Variants in IKZF2 observed in about 807,000 individuals in gnomAD.
The protein encoded by IKZF2 is zinc finger protein Helios.
Under a neutral mutation model 49.2 loss-of-function variants are expected in IKZF2, and 15 were observed. That is an observed-to-expected ratio of 0.30 (90% CI 0.20 to 0.47). The LOEUF is 0.47. Ranked by LOEUF, IKZF2 falls within the 20% of genes least tolerant of loss-of-function variation. The probability of loss-of-function intolerance (pLI) is 1.00; values close to 1 mark genes in which losing one functional copy is unlikely to be tolerated. For missense variants in IKZF2, 567 were observed against 664.6 expected (o/e 0.85, Z 1.61); for synonymous variants, 227 against 221.4 (o/e 1.03, Z -0.23).
chr2:213,148,127 C>G (rs994229219), intron 3 of IKZF2, among the ~76,000 whole-genome samples: 1 of 152,080 alleles, frequency 6.6e-6, no homozygotes, highest in Non-Finnish European at 1.5e-5. Flanking sequence ...GTTAAGCACA[C>G]AGAATTTATA....
chr2:213,127,849 C>T (rs1169067858), intron 4 of IKZF2, among the ~76,000 whole-genome samples: 1 of 152,000 alleles, frequency 6.6e-6, no homozygotes, highest in Non-Finnish European at 1.5e-5. Flanking sequence ...ACATGTATTT[C>T]CAAAATATCC....
intron 4 of IKZF2, among the ~76,000 whole-genome samples, chr2:213,079,253 T>C (rs1703629347): frequency 6.6e-6 from 1 of 151,904 alleles, no homozygotes. Flanking sequence ...GTAGTGCGTG[T>C]TTGTAGTCCC....
At chr2:213,027,021 C>T (rs1309174742) in intron 6 of IKZF2, among the ~76,000 whole-genome samples, 1 of 152,042 alleles carries the variant, frequency 6.6e-6, no homozygotes, top group Non-Finnish European at 1.5e-5. Flanking sequence ...AATACATAGT[C>T]TCTTCCCCAT....
intron 4 of IKZF2, among the ~76,000 whole-genome samples, chr2:213,086,269 T>C (rs551363592): frequency 6.6e-6 from 1 of 152,296 alleles, no homozygotes; most frequent in Middle Eastern, 3.4e-3. Context: ...TGGAATGCTG[T>C]AACTGTTTGA....
chr2:213,138,585 A>C (rs1030044591), intron 4 of IKZF2, among the ~76,000 whole-genome samples: 2 of 152,076 alleles, frequency 1.3e-5, no homozygotes, highest in African/African-American at 4.8e-5. Context: ...GGGCTCCTAC[A>C]ATGCATACAA....
chr2:213,109,602 A>G (rs1192133509), intron 4 of IKZF2, among the ~76,000 whole-genome samples: 5 of 152,032 alleles, frequency 3.3e-5, no homozygotes, highest in Non-Finnish European at 4.4e-5. Flanking sequence ...TCCCATTTCC[A>G]AACAGATATT....
At chr2:213,053,017 C>T (rs900048016) in intron 5 of IKZF2, among the ~76,000 whole-genome samples, 1 of 151,950 alleles carries the variant, frequency 6.6e-6, no homozygotes, top group Non-Finnish European at 1.5e-5. Flanking sequence ...CATCAATGTG[C>T]CCTTTTTGAG....
chr2:213,080,958 GAA>G (rs1239773841), intron 4 of IKZF2, among the ~76,000 whole-genome samples: 3 of 151,158 alleles, frequency 2.0e-5, no homozygotes, highest in Non-Finnish European at 4.4e-5. Flanking sequence ...CTTTCATAAA[GAA>G]AAAAAAATTT....
intron 8 of IKZF2, among the ~76,000 whole-genome samples, chr2:213,012,884 T>G (rs909852916): frequency 2.0e-5 from 3 of 152,062 alleles, no homozygotes; most frequent in African/African-American, 7.2e-5. Context: ...TTTATCCTAA[T>G]AGATATATAT....
intron 4 of IKZF2, among the ~76,000 whole-genome samples, chr2:213,061,757 A>G (rs775772431): frequency 2.2e-4 from 33 of 151,580 alleles, no homozygotes; most frequent in Non-Finnish European, 4.1e-4. Context: ...AATACTATTA[A>G]CTTAAATAAG....
At chr2:213,127,356 T>C (rs2060301737) in intron 4 of IKZF2, among the ~76,000 whole-genome samples, 2 of 152,190 alleles carry the variant, frequency 1.3e-5, no homozygotes, top group African/African-American at 4.8e-5. Flanking sequence ...CCAGAATCTC[T>C]GTAACTATAA....
At chr2:213,020,433 C>T (rs923994761) in intron 7 of IKZF2, among the ~76,000 whole-genome samples, 2 of 152,018 alleles carry the variant, frequency 1.3e-5, no homozygotes, top group Non-Finnish European at 2.9e-5. Flanking sequence ...CACCCAGACA[C>T]GAAGTAGCCA....
At chr2:213,060,239 A>G (rs1255773711) in intron 4 of IKZF2, among the ~76,000 whole-genome samples, 2 of 151,492 alleles carry the variant, frequency 1.3e-5, no homozygotes, top group East Asian at 3.9e-4. Context: ...AGATGTTTGC[A>G]ATTAATGTAG....
At chr2:213,143,943 G>A (rs923410357) in intron 4 of IKZF2, among the ~76,000 whole-genome samples, 1 of 151,796 alleles carries the variant, frequency 6.6e-6, no homozygotes, top group Non-Finnish European at 1.5e-5. Context: ...AACCCACAAG[G>A]TAATATCACA....
In IKZF2 at chr2:213,001,363, G is replaced by A. The variant is rs547319146; in HGVS notation, c.*5997C>T. ...CTAAACACTTGCAAATAACTGTCTA[G>A]TCTTTCATGATATACATTTTTTGGA... On this transcript the variant is annotated 3_prime_UTR_variant, in exon 9 of 9. Coordinates refer to ENST00000434687, the MANE Select transcript of IKZF2 (RefSeq NM_001387220.1). 3.2e-4 allele frequency: 48 copies of A among 151,954 alleles called. No individual in the cohort carries two copies. Among genetic ancestry groups the A allele is most frequent in the Non-Finnish European group, 4.0e-4 (27 of 67,574 alleles). The allele number at this position is 151,954 out of a possible 1,614,324, so 9.4% of individuals were successfully genotyped here. A position where few individuals can be genotyped will look rare whatever the true frequency, so the allele number is the denominator to read the frequency against.
intron 6 of IKZF2, among the ~76,000 whole-genome samples, chr2:213,029,402 A>AT (rs1300219297): frequency 1.3e-5 from 2 of 151,948 alleles, no homozygotes; most frequent in Non-Finnish European, 2.9e-5. Flanking sequence ...AATAATTTCT[A>AT]TTTTTTATTT....
chr2:213,090,531 A>G (rs998390344), intron 4 of IKZF2, among the ~76,000 whole-genome samples: 1 of 152,204 alleles, frequency 6.6e-6, no homozygotes, highest in Non-Finnish European at 1.5e-5. Context: ...TTATACAATA[A>G]AATGGTTTTA....
intron 7 of IKZF2, among the ~76,000 whole-genome samples, chr2:213,018,542 G>T (rs1696859783): frequency 6.6e-6 from 1 of 152,016 alleles, no homozygotes; most frequent in Non-Finnish European, 1.5e-5. Flanking sequence ...GCCCCAGGTA[G>T]GCATTTATCA....
chr2:213,133,036 G>A (rs2060524342), intron 4 of IKZF2, among the ~76,000 whole-genome samples: 1 of 152,190 alleles, frequency 6.6e-6, no homozygotes, highest in South Asian at 2.1e-4. Context: ...TCCATGCAAT[G>A]CTTTGGACTA....
Sources: allele counts gnomAD v4.1 joint callset (sites outside exome capture counted in the v4.1 genomes callset), GRCh38; gene constraint gnomAD v4.1.1; transcripts MANE v1.5; gene names NCBI Gene and HGNC (gene_info 2026-07-23, HGNC 2026-07-21).